Variants in ABCB8 observed in about 807,000 individuals in gnomAD.
The protein encoded by ABCB8 is ATP binding cassette subfamily B member 8, also known as mitochondrial potassium channel ATP-binding subunit.
In ABCB8, 52 loss-of-function variants were observed where a neutral mutation model predicts 73.0. The ratio of observed to expected loss-of-function variants is 0.71; its 90% CI spans 0.57 to 0.90. ABCB8 has a LOEUF of 0.90. Among genes scored for constraint, ABCB8 ranks in the 40% least tolerant of loss-of-function variants. The pLI is 0.00. For synonymous variants in ABCB8, 428 were observed against 423.5 expected, an observed-to-expected ratio of 1.01 and a Z score of -0.13; for missense variants, 909 against 974.6, an observed-to-expected ratio of 0.93 and a Z score of 0.90.
At chr7:151,031,025 A>G (rs1373449032) in intron 1 of ABCB8, among the ~76,000 whole-genome samples, 2 of 152,230 alleles carry the variant, frequency 1.3e-5, no homozygotes, top group Non-Finnish European at 2.9e-5. Flanking sequence ...TGTGGCATGT[A>G]TGTGTTCATT....
At position 151,042,100 on chromosome 7, in the gene ABCB8, C is replaced by T. The variant is rs201301011; in HGVS notation, c.1757C>T (p.Thr586Met). 9 of 1,612,964 alleles carry T rather than the reference C, an allele frequency of 5.6e-6. No homozygotes were observed. Among genetic ancestry groups the T allele is most frequent in the Admixed American group, 1.7e-5 (1 of 60,014 alleles). The change falls in exon 14 of 16, where the codon ACG (threonine) becomes ATG (methionine). Residue 586 changes from threonine to methionine, a missense_variant. By Grantham distance (81) the Thr-to-Met change is moderately conservative. Coordinates refer to ENST00000358849, the MANE Select transcript of ABCB8 (RefSeq NM_007188.5). ...FITSFPEGYN[T>M]VVGERGTTLS... ...ACCAGCTTCCCCGAGGGCTACAACACGGTCGTCGGTGGGTGCTCGGGTCTG... is the reference window on the plus strand; with the variant it reads ...ACCAGCTTCCCCGAGGGCTACAACATGGTCGTCGGTGGGTGCTCGGGTCTG...
chr7:151,034,725 C>G lies in ABCB8; in HGVS notation c.661C>G (p.Gln221Glu). The change falls in exon 5 of 16, where the codon CAA (glutamine) becomes GAA (glutamate). Residue 221 changes from glutamine to glutamate, a missense_variant and splice_region_variant. Coordinates refer to ENST00000358849, the MANE Select transcript of ABCB8 (RefSeq NM_007188.5). Reference protein sequence around the residue: ...RRALFSSLLRQDITFFDANKT... With the variant: ...RRALFSSLLREDITFFDANKT... ...TTATTGGTTCTTGTCCCATGCCAGA[C>G]AAGACATCACCTTCTTTGACGCCAA... 1.9e-6 allele frequency: 3 copies of G among 1,613,914 alleles called. No individual in the cohort carries two copies. Among genetic ancestry groups the G allele is most frequent in the East Asian group, 2.2e-5 (1 of 44,882 alleles).
intron 15 of ABCB8, 53 bp downstream of exon 15, chr7:151,044,274 AC>A: frequency 6.4e-7 from 1 of 1,572,254 alleles, no homozygotes; most frequent in South Asian, 1.1e-5. Flanking sequence ...TTCATCACGG[AC>A]AGTGGCACAA....
At chr7:151,029,938 G>C (rs905646966) in intron 1 of ABCB8, among the ~76,000 whole-genome samples, 7 of 152,228 alleles carry the variant, frequency 4.6e-5, no homozygotes, top group Non-Finnish European at 1.0e-4. Flanking sequence ...GATCGAGCTG[G>C]AGCTGGAAGT....
chr7:151,044,438 G>C (rs1796561059), intron 15 of ABCB8, among the ~76,000 whole-genome samples: 2 of 152,200 alleles, frequency 1.3e-5, no homozygotes, highest in Non-Finnish European at 2.9e-5. Context: ...CCCTGGGATA[G>C]TATAATTGCA....
In ABCB8 at chr7:151,036,172, T is replaced by C; in HGVS notation, c.1111+2T>C. On this transcript the variant is annotated splice_donor_variant, in intron 8 of 15. Coordinates refer to ENST00000358849, the MANE Select transcript of ABCB8 (RefSeq NM_007188.5). LOFTEE classifies it high-confidence loss of function. ...GGCTTTCCAACATCGCCTTCAACTG[T>C]GAGTGAGCCATTTGGGGGCTGGAGG... 2 of 1,601,026 alleles carry C rather than the reference T, an allele frequency of 1.2e-6. No individual in the cohort carries two copies. Among genetic ancestry groups the C allele is most frequent in the Non-Finnish European group, 1.7e-6 (2 of 1,170,646 alleles).
Position 151,034,597 on chromosome 7 carries a change from C to T in ABCB8, c.657C>T (p.Leu219=), listed in dbSNP as rs1281329777. Residue 219 remains leucine (L), a splice_region_variant and synonymous_variant, in exon 4 of 16, where the codon CTC becomes CTT. Coordinates refer to ENST00000358849, the MANE Select transcript of ABCB8 (RefSeq NM_007188.5). ...GGAGGGCCCTCTTCAGCTCCCTGCT[C>T]CGGTACTGCCAGCCGCAGGGTGCAG... ...DMRRALFSSL[L]RQDITFFDAN... 6.2e-7 allele frequency: 1 copy of T among 1,613,870 alleles called. No individual in the cohort carries two copies.
Position 151,047,331 on chromosome 7 carries a change from G to T in ABCB8, c.*1982G>T, listed in dbSNP as rs764220664. The T allele has an allele frequency of 6.6e-6, 1 of 152,268 alleles. No individual in the cohort carries two copies. Among genetic ancestry groups the T allele is most frequent in the Non-Finnish European group, 1.5e-5 (1 of 68,054 alleles). 9.4% of individuals were successfully genotyped at this position (152,268 alleles called of 1,614,324 possible). A position where few individuals can be genotyped will look rare whatever the true frequency, so the allele number is the denominator to read the frequency against. ...CTTCGCTCCACAGTGGAGAGTGGGA[G>T]CCTAGCTGTGCTTGATGCTGAATGC... is the stretch of plus-strand genomic sequence containing the variant. On this transcript the variant is annotated 3_prime_UTR_variant, in exon 16 of 16. Coordinates refer to ENST00000358849, the MANE Select transcript of ABCB8 (RefSeq NM_007188.5).
At chr7:151,037,484 A>G (rs1366532114) in intron 9 of ABCB8, 2 of 613,612 alleles carry the variant, frequency 3.3e-6, no homozygotes, top group African/African-American at 3.7e-5. Context: ...CAGACAGCTC[A>G]AGGCGGGCCT....
At chr7:151,039,932 A>G (rs1221639117) in intron 9 of ABCB8, 2 of 293,208 alleles carry the variant, frequency 6.8e-6, no homozygotes, top group Non-Finnish European at 1.3e-5. Context: ...GCATGTGTGC[A>G]CAGGCCTCAC....
intron 9 of ABCB8, chr7:151,037,318 G>A (rs1210462110): frequency 1.4e-6 from 1 of 702,826 alleles, no homozygotes; most frequent in Non-Finnish European, 2.6e-6. Context: ...GACCATCCTT[G>A]ACAGGCTGTG....
At chr7:151,033,285 T>C in intron 1 of ABCB8, 1 of 629,032 alleles carries the variant, frequency 1.6e-6, no homozygotes, top group Non-Finnish European at 2.5e-6. Flanking sequence ...CATCCAGTTC[T>C]TCAGGCTGTC....
chr7:151,029,038 A>G (rs1796063884), intron 1 of ABCB8: 2 of 1,163,502 alleles, frequency 1.7e-6, no homozygotes, highest in Non-Finnish European at 2.2e-6. Context: ...GAGCCAATCT[A>G]ATAGGCCGGG....
At chr7:151,041,255 C>G (rs1264559208) in intron 13 of ABCB8, 23 bp downstream of exon 13, 3 of 1,584,668 alleles carry the variant, frequency 1.9e-6, no homozygotes, top group Non-Finnish European at 2.6e-6. Context: ...ATGGGCAGCC[C>G]TTGGCTCCCA....
intron 12 of ABCB8, 61 bp downstream of exon 12, chr7:151,040,983 G>A: frequency 6.2e-7 from 1 of 1,606,150 alleles, no homozygotes; most frequent in Admixed American, 1.7e-5. Context: ...CTCAGAGCAA[G>A]GCCGGGAGCA....
chr7:151,039,276 C>A (rs1299973419), intron 9 of ABCB8: 2 of 141,316 alleles, frequency 1.4e-5, no homozygotes, highest in East Asian at 4.2e-4. Flanking sequence ...CTGGCTCCTT[C>A]CTGCCTGGTG....
Position 151,034,546 on chromosome 7 carries a change from T to C in ABCB8, c.606T>C (p.Val202=). The change falls in exon 4 of 16, where the codon GTT becomes GTC. Residue 202 remains valine (V), a synonymous_variant. Transcript: ENST00000358849. ...TFGYLVLLSH[V]GERMAVDMRR... is the part of the protein sequence containing the mutation. The stretch of plus-strand genomic sequence containing the variant: ...GGTACCTGGTGCTGCTGTCCCACGT[T>C]GGCGAGCGCATGGCTGTGGACATGC... 6.2e-7 allele frequency: 1 copy of C among 1,613,602 alleles called. No homozygotes were observed. Among genetic ancestry groups the C allele is most frequent in the Non-Finnish European group, 8.5e-7 (1 of 1,180,010 alleles).
Position 151,040,250 on chromosome 7 carries a change from C to T in ABCB8, c.1218-18C>T, listed in dbSNP as rs752041311. 6.8e-6 allele frequency: 11 copies of T among 1,611,072 alleles called. No homozygotes were observed. Among genetic ancestry groups the T allele is most frequent in the South Asian group, 6.6e-5 (6 of 90,540 alleles). On this transcript the variant is annotated intron_variant, in intron 9 of 15. Coordinates refer to ENST00000358849, the MANE Select transcript of ABCB8 (RefSeq NM_007188.5). ...TCTTGTTCCCATCTATTCCACCCCTCTCTCCTTTTTCTGACAGGTCCATGG... is the reference window on the plus strand; with the variant it reads ...TCTTGTTCCCATCTATTCCACCCCTTTCTCCTTTTTCTGACAGGTCCATGG...
In ABCB8 at chr7:151,046,239, A is replaced by C. The variant is rs1405082216; in HGVS notation, c.*890A>C. 1 of 152,398 alleles carries C rather than the reference A, an allele frequency of 6.6e-6. No individual in the cohort carries two copies. Among genetic ancestry groups the C allele is most frequent in the Non-Finnish European group, 1.5e-5 (1 of 68,138 alleles). The allele number at this position is 152,398 out of a possible 1,614,324, so 9.4% of individuals were successfully genotyped here. On this transcript the variant is annotated 3_prime_UTR_variant, in exon 16 of 16. Transcript: ENST00000358849. ...CTGGAGCTCTCTGCTTCCTGCCCAC[A>C]GTGCTGACGAGTACAGAGCTAAATG...
Sources: allele counts gnomAD v4.1 joint callset (sites outside exome capture counted in the v4.1 genomes callset), GRCh38; gene constraint gnomAD v4.1.1; transcripts MANE v1.5; gene names NCBI Gene and HGNC (gene_info 2026-07-23, HGNC 2026-07-21).